Variants in ITPRIPL1 observed in about 807,000 individuals in gnomAD.
ITPRIPL1 encodes ITPRIP like 1, also known as inositol 1,4,5-trisphosphate receptor-interacting protein-like 1.
In ITPRIPL1, 28 loss-of-function variants were observed where a neutral mutation model predicts 40.0. That is an observed-to-expected ratio of 0.70 (90% CI 0.52 to 0.96). The LOEUF is 0.96. Ranked by LOEUF, ITPRIPL1 falls within the 40% of genes least tolerant of loss-of-function variation. The pLI is 0.00. For synonymous variants in ITPRIPL1, 251 were observed against 275.7 expected, an observed-to-expected ratio of 0.91 and a Z score of 0.89; for missense variants, 638 against 698.0, an observed-to-expected ratio of 0.91 and a Z score of 0.97.
Position 96,327,201 on chromosome 2 carries a change from G to A in ITPRIPL1, c.570G>A (p.Val190=). 6.2e-7 allele frequency: 1 copy of A among 1,614,142 alleles called. No individual in the cohort carries two copies. Among genetic ancestry groups the A allele is most frequent in the Middle Eastern group, 1.6e-4 (1 of 6,062 alleles). Residue 190 remains valine, a synonymous_variant, in exon 3 of 3, where the codon GTG becomes GTA. Transcript: ENST00000439118. ...IRDLPCTCEF[V]ESFVDDLIEA... ...ACCTGCCCTGCACCTGTGAGTTTGT[G>A]GAGAGTTTTGTGGATGATCTCATTG...
At chr2:96,329,935 TCTC>T (rs1364171133), downstream of ITPRIPL1, 1 of 152,016 alleles carries the variant, frequency 6.6e-6, no homozygotes, top group African/African-American at 2.4e-5. Flanking sequence ...ATACACACCC[TCTC>T]CTCCAGCAAA....
In ITPRIPL1 at chr2:96,327,409, C is replaced by A. The variant is rs115597301; in HGVS notation, c.778C>A (p.Arg260Ser). ...GGAGATGAGGGACCCAGCCCTGGGC[C>A]GCCGCTGTGGCTGTGTGCTGGTGGA... is the stretch of plus-strand genomic sequence containing the variant. ...VLEMRDPALG[R>S]RCGCVLVESE... Residue 260 changes from arginine to serine, a missense_variant, in exon 3 of 3, where the codon CGC becomes AGC. Coordinates refer to ENST00000439118, the MANE Select transcript of ITPRIPL1 (RefSeq NM_001008949.3). 6.2e-7 allele frequency: 1 copy of A among 1,613,662 alleles called. No homozygotes were observed.
chr2:96,326,254 G>A (rs1227569356), intron 2 of ITPRIPL1: 2 of 1,438,478 alleles, frequency 1.4e-6, no homozygotes, highest in East Asian at 3.2e-5. Flanking sequence ...CTATAAAAGG[G>A]AGCCTCTGGG....
chr2:96,326,202 G>C (rs1413360889), intron 2 of ITPRIPL1: 1 of 1,449,856 alleles, frequency 6.9e-7, no homozygotes, highest in Admixed American at 2.1e-5. Context: ...GGCTGCCGGG[G>C]CAGAGGAAAG....
At chr2:96,325,999 C>A in intron 2 of ITPRIPL1, 150 bp downstream of exon 2, 2 of 1,117,086 alleles carry the variant, frequency 1.8e-6, no homozygotes, top group Non-Finnish European at 2.7e-6. Flanking sequence ...AGAAGTGAAG[C>A]TAGCCTGCCC....
In ITPRIPL1 at chr2:96,327,008, T is replaced by C; in HGVS notation, c.377T>C (p.Leu126Pro). The part of the protein sequence containing the change: ...GLFCLFLVFE[L>P]LRQNMQHEPA... The stretch of plus-strand genomic sequence containing the variant: ...TTTTGCCTTTTTCTCGTCTTTGAGC[T>C]CCTGCGACAGAACATGCAGCATGAA... Residue 126 changes from leucine to proline, a missense_variant, in exon 3 of 3, where the codon CTC becomes CCC. Coordinates refer to ENST00000439118, the MANE Select transcript of ITPRIPL1 (RefSeq NM_001008949.3). The C allele has an allele frequency of 6.2e-7, 1 of 1,614,154 alleles. No individual in the cohort carries two copies. Among genetic ancestry groups the C allele is most frequent in the Non-Finnish European group, 8.5e-7 (1 of 1,180,024 alleles).
chr2:96,325,970 C>A, intron 2 of ITPRIPL1, 121 bp downstream of exon 2: 1 of 1,229,626 alleles, frequency 8.1e-7, no homozygotes. Context: ...CCTGGTTCTG[C>A]AGACAGTTTT....
At chr2:96,328,495 G>A (rs2064138639), downstream of ITPRIPL1, 2 of 543,142 alleles carry the variant, frequency 3.7e-6, no homozygotes, top group African/African-American at 1.9e-5. Context: ...AGTCAAGGAT[G>A]GGTCATCTGA....
downstream of ITPRIPL1, chr2:96,329,561 T>A (rs2064146438): frequency 1.2e-5 from 1 of 86,690 alleles, no homozygotes; most frequent in African/African-American, 3.0e-5. Flanking sequence ...CCTTTGTATT[T>A]TTTTTTTTTT....
At position 96,325,554 on chromosome 2, in the gene ITPRIPL1, C is replaced by T. The variant is rs554760610; in HGVS notation, c.-105C>T. 3 of 558,414 alleles carry T rather than the reference C, an allele frequency of 5.4e-6. No homozygotes were observed. The highest frequency in any genetic ancestry group is 9.7e-6 in the Non-Finnish European group (3 of 310,446). 34.6% of individuals were successfully genotyped at this position (558,414 alleles called of 1,614,324 possible). A position where few individuals can be genotyped will look rare whatever the true frequency, so the allele number is the denominator to read the frequency against. ...CTGTCTCTTTAAGATCGTGTTCCTA[C>T]TAACACTGACGGTGAGTAACCTGGC... is the stretch of plus-strand genomic sequence containing the variant. On this transcript the variant is annotated 5_prime_UTR_variant, in exon 1 of 3. Coordinates refer to ENST00000439118, the MANE Select transcript of ITPRIPL1 (RefSeq NM_001008949.3).
rs762946288 is a variant in ITPRIPL1 at position 96,327,147 on chromosome 2, C to A, written c.516C>A (p.Tyr172Ter). 2 of 1,614,212 alleles carry A rather than the reference C, an allele frequency of 1.2e-6. No homozygotes were observed. The highest frequency in any genetic ancestry group is 1.7e-6 in the Non-Finnish European group (2 of 1,180,040). Residue 172 changes from tyrosine (Y) to a stop codon, truncating the protein, a stop_gained, in exon 3 of 3, where the codon TAC (tyrosine) becomes TAA (stop). Transcript: ENST00000439118. LOFTEE classifies it high-confidence loss of function. The stretch of plus-strand genomic sequence containing the variant: ...CCCAGGAGGCCCTGGACTCCTTTTA[C>A]AAACACTATGTCCAAAATGCCATCC... ...FPSQEALDSF[Y>*]KHYVQNAIRD...
rs2064123283 is a variant in ITPRIPL1 at position 96,327,476 on chromosome 2, T to C, written c.845T>C (p.Val282Ala). Residue 282 changes from valine (V) to alanine (A), a missense_variant, in exon 3 of 3, where the codon GTG becomes GCG. By Grantham distance (64) the Val-to-Ala change is moderately conservative (BLOSUM62 0). Coordinates refer to ENST00000439118, the MANE Select transcript of ITPRIPL1 (RefSeq NM_001008949.3). Reference protein sequence around the residue: ...VCKREKLLGDVLCLVHHHRDP... With the variant: ...VCKREKLLGDALCLVHHHRDP... The stretch of plus-strand genomic sequence containing the variant: ...AAGCGTGAGAAACTCCTAGGGGACG[T>C]GCTGTGCCTGGTGCACCACCACAGG... 2 of 1,614,056 alleles carry C rather than the reference T, an allele frequency of 1.2e-6. No homozygotes were observed. The highest frequency in any genetic ancestry group is 8.5e-7 in the Non-Finnish European group (1 of 1,179,988).
At chr2:96,328,426 A>C (rs1199668374), downstream of ITPRIPL1, 13 of 931,804 alleles carry the variant, frequency 1.4e-5, no homozygotes, top group African/African-American at 3.3e-5. Context: ...CTATGATGAG[A>C]CACCTTAAGG....
At position 96,328,135 on chromosome 2, in the gene ITPRIPL1, C is replaced by G. The variant is rs1553443823; in HGVS notation, c.1504C>G (p.Leu502Val). The G allele has an allele frequency of 1.2e-6, 2 of 1,613,980 alleles. No individual in the cohort carries two copies. The highest frequency in any genetic ancestry group is 1.7e-6 in the Non-Finnish European group (2 of 1,180,044). Residue 502 changes from leucine to valine, a missense_variant, in exon 3 of 3, where the codon CTG (leucine) becomes GTG (valine). By Grantham distance (32) the Leu-to-Val change is conservative (BLOSUM62 1). Transcript: ENST00000439118. Reference sequence around the variant, plus strand: ...CCTCATTGGTAACAATTTTCTGCCCCTGACCATCCCAATCCCTAAGACATT... The same window carrying G: ...CCTCATTGGTAACAATTTTCTGCCCGTGACCATCCCAATCCCTAAGACATT... ...HFLIGNNFLP[L>V]TIPIPKTFRN... is the part of the protein sequence containing the mutation.
At position 96,328,253 on chromosome 2, in the gene ITPRIPL1, C is replaced by G; in HGVS notation, c.1622C>G (p.Thr541Ser). ...QAVEEFQNLL[T>S]QVKTLPHAPL... ...GTGGAAGAGTTCCAAAACCTTCTGACCCAGGTGAAAACTCTGCCTCATGCC... is the reference window on the plus strand; with the variant it reads ...GTGGAAGAGTTCCAAAACCTTCTGAGCCAGGTGAAAACTCTGCCTCATGCC... Residue 541 changes from threonine to serine, a missense_variant, in exon 3 of 3, where the codon ACC (threonine) becomes AGC (serine). Physicochemically the swap from Thr to Ser is moderately conservative, Grantham distance 58 (BLOSUM62 1). Transcript: ENST00000439118. 6.2e-7 allele frequency: 1 copy of G among 1,614,092 alleles called. No individual in the cohort carries two copies. Among genetic ancestry groups the G allele is most frequent in the South Asian group, 1.1e-5 (1 of 91,076 alleles).
rs754436559 is a variant in ITPRIPL1, at chr2:96,327,191, G to A, written c.560G>A (p.Cys187Tyr). The change falls in exon 3 of 3, where the codon TGT becomes TAT. Residue 187 changes from cysteine to tyrosine, a missense_variant. Cys to Tyr is a radical substitution (Grantham distance 194). Coordinates refer to ENST00000439118, the MANE Select transcript of ITPRIPL1 (RefSeq NM_001008949.3). The part of the protein sequence containing the change: ...QNAIRDLPCT[C>Y]EFVESFVDDL... ...GCCATCCGTGACCTGCCCTGCACCTGTGAGTTTGTGGAGAGTTTTGTGGAT... is the reference window on the plus strand; with the variant it reads ...GCCATCCGTGACCTGCCCTGCACCTATGAGTTTGTGGAGAGTTTTGTGGAT... The A allele has an allele frequency of 1.2e-5, 19 of 1,614,146 alleles. No individual in the cohort carries two copies. Among genetic ancestry groups the A allele is most frequent in the Admixed American group, 5.0e-5 (3 of 60,024 alleles).
At chr2:96,328,528 T>C, downstream of ITPRIPL1, 1 of 477,566 alleles carries the variant, frequency 2.1e-6, no homozygotes, top group Admixed American at 3.8e-5. Flanking sequence ...CTAACTTTCA[T>C]CATGACCCAA....
At position 96,326,885 on chromosome 2, in the gene ITPRIPL1, T is replaced by C; in HGVS notation, c.254T>C (p.Leu85Ser). The C allele has an allele frequency of 6.2e-7, 1 of 1,614,174 alleles. No homozygotes were observed. The highest frequency in any genetic ancestry group is 8.5e-7 in the Non-Finnish European group (1 of 1,180,024). Residue 85 changes from leucine to serine, a missense_variant, in exon 3 of 3, where the codon TTA becomes TCA. By Grantham distance (145) the Leu-to-Ser change is moderately radical. Transcript: ENST00000439118. ...FWTGDTSSDQ[L>S]VLGKKDMGWP... ...ACAGGAGACACATCCAGTGACCAGTTAGTGCTGGGGAAGAAAGACATGGGG... is the reference window on the plus strand; with the variant it reads ...ACAGGAGACACATCCAGTGACCAGTCAGTGCTGGGGAAGAAAGACATGGGG...
chr2:96,327,991 A>G lies in ITPRIPL1; in HGVS notation c.1360A>G (p.Met454Val), dbSNP rs1292410334. 1 of 1,614,080 alleles carries G rather than the reference A, an allele frequency of 6.2e-7. No homozygotes were observed. Among genetic ancestry groups the G allele is most frequent in the Middle Eastern group, 1.6e-4 (1 of 6,062 alleles). ...TTCTTACCATTTTAAAACAGCTCTC[A>G]TGCACCTCTTGCTACGGCTGCCCCT... ...LTSYHFKTAL[M>V]HLLLRLPLTD... The change falls in exon 3 of 3, where the codon ATG becomes GTG. Residue 454 changes from methionine (M) to valine (V), a missense_variant. Transcript: ENST00000439118.
Sources: allele counts gnomAD v4.1 joint callset, GRCh38; gene constraint gnomAD v4.1.1; transcripts MANE v1.5; gene names NCBI Gene and HGNC (gene_info 2026-07-23, HGNC 2026-07-21).